Variants in PLXNA3 observed in about 807,000 individuals in gnomAD.
The protein encoded by PLXNA3 is plexin A3.
PLXNA3 carries 52 observed loss-of-function variants against 118.8 expected under a neutral mutation model. That is an observed-to-expected ratio of 0.44 (90% confidence interval 0.35 to 0.55). PLXNA3 has a LOEUF of 0.55. Among genes scored for constraint, PLXNA3 ranks in the 20% least tolerant of loss-of-function variants. The probability of loss-of-function intolerance (pLI) is 0.01; values close to 1 mark genes in which losing one functional copy is unlikely to be tolerated. For synonymous variants in PLXNA3, 925 were observed against 762.4 expected (o/e 1.21, Z -3.51); for missense variants, 1,660 against 1,730.8 (o/e 0.96, Z 0.73).
Position 154,468,167 on chromosome X carries a change from C to A in PLXNA3, c.3906C>A (p.Tyr1302Ter). 1.7e-6 allele frequency: 2 copies of A among 1,189,023 alleles called. No homozygotes were observed. The highest frequency in any genetic ancestry group is 2.3e-6 in the Non-Finnish European group (2 of 883,122). ...TCCCCTTCCTGGACTACCGGACTTA[C>A]GCCGTGCGCGTGCTCTTCCCGGGCA... ...VQIPFLDYRTYAVRVLFPGIE... is the reference protein window; with the variant it reads ...VQIPFLDYRT Residue 1302 changes from tyrosine to a stop codon, truncating the protein, a stop_gained, in exon 22 of 33, where the codon TAC becomes TAA. Transcript: ENST00000369682. LOFTEE classifies it high-confidence loss of function.
Position 154,465,198 on chromosome X carries a change from G to A in PLXNA3, c.2224G>A (p.Val742Met), listed in dbSNP as rs1204868003. The A allele has an allele frequency of 8.3e-7, 1 of 1,207,847 alleles. No homozygotes were observed. Among genetic ancestry groups the A allele is most frequent in the East Asian group, 3.0e-5 (1 of 33,778 alleles). Residue 742 changes from valine (V) to methionine (M), a missense_variant, in exon 11 of 33, where the codon GTG (valine) becomes ATG (methionine). By Grantham distance (21) the Val-to-Met change is conservative (BLOSUM62 1). This residue lies in a region of PLXNA3 where 869 missense variants were observed against 1,078.7 expected (regional missense o/e 0.81). Transcript: ENST00000369682. ...TGCCGTGCGCTTCAACAGCAGCAGT[G>A]TGCAGTGCCAGAACGCCTCGGTGAG... ...VPAVRFNSSS[V>M]QCQNASYSYE...
At chrX:154,462,617 G>C (rs1302888908) in intron 4 of PLXNA3, among the ~76,000 whole-genome samples, 16 of 112,300 alleles carry the variant, frequency 1.4e-4, no homozygotes, top group African/African-American at 2.9e-4. Flanking sequence ...GGCTGAGCCA[G>C]CATTGCTGGG....
chrX:154,466,982 G>C (rs2148252437), intron 17 of PLXNA3, 75 bp from the exon 18 acceptor site: 1 of 996,009 alleles, frequency 1.0e-6, no homozygotes, highest in East Asian at 3.1e-5. Flanking sequence ...GGGCTGCCAT[G>C]GCAGCCTTGA....
chrX:154,469,056 A>T lies in PLXNA3; in HGVS notation c.4435A>T (p.Thr1479Ser). The change falls in exon 26 of 33, where the codon ACC becomes TCC. Residue 1479 changes from threonine to serine, a missense_variant and splice_region_variant. Thr to Ser is a moderately conservative substitution (Grantham distance 58). This residue lies in a region of PLXNA3 where 869 missense variants were observed against 1,078.7 expected (regional missense o/e 0.81). Transcript: ENST00000369682. The stretch of plus-strand genomic sequence containing the variant: ...ACACTGGAGTCCGCTTTCCCCTCAG[A>T]CCCTTCACTGCGTGTGTCCGGAGAA... ...IRQQIDYKTLTLHCVCPENEG... is the reference protein window; with the variant it reads ...IRQQIDYKTLSLHCVCPENEG... The T allele has an allele frequency of 8.3e-7, 1 of 1,210,769 alleles. No individual in the cohort carries two copies. Among genetic ancestry groups the T allele is most frequent in the Admixed American group, 2.2e-5 (1 of 46,037 alleles).
intron 31 of PLXNA3, 78 bp downstream of exon 31, chrX:154,471,395 A>G (rs1162074569): frequency 3.5e-6 from 4 of 1,149,927 alleles, no homozygotes; most frequent in Admixed American, 4.7e-5. Context: ...CAGGCCAGCT[A>G]CAGGCAGGAA....
At position 154,464,208 on chromosome X, in the gene PLXNA3, G is replaced by A. The variant is rs140045266; in HGVS notation, c.1723G>A (p.Ala575Thr). ...VPDLSAGVSCAFEAAAENEAV... is the reference protein window; with the variant it reads ...VPDLSAGVSCTFEAAAENEAV... ...AGACCTCAGTGCGGGCGTGAGCTGC[G>A]CCTTCGAGGCGGCGGCGGAGAACGA... is the stretch of plus-strand genomic sequence containing the variant. The change falls in exon 8 of 33, where the codon GCC becomes ACC. Residue 575 changes from alanine (A) to threonine (T), a missense_variant. By Grantham distance (58) the Ala-to-Thr change is moderately conservative. Around this residue, in one of 2 missense-constraint regions of PLXNA3, gnomAD observed 791 missense variants for 652.1 expected, o/e 1.21. Coordinates refer to ENST00000369682, the MANE Select transcript of PLXNA3 (RefSeq NM_017514.5). 69 of 1,207,693 alleles carry A rather than the reference G, an allele frequency of 5.7e-5. No homozygotes were observed. The highest frequency in any genetic ancestry group is 7.1e-5 in the South Asian group (4 of 56,531).
At chrX:154,460,860 C>A (rs976709881) in intron 2 of PLXNA3, 83 bp downstream of exon 2, 5 of 758,007 alleles carry the variant, frequency 6.6e-6, no homozygotes, top group Non-Finnish European at 7.5e-6. Context: ...TGAGAGGGGA[C>A]TTTCGGCTCC....
At position 154,460,731 on chromosome X, in the gene PLXNA3, C is replaced by G. The variant is rs2068935803; in HGVS notation, c.548C>G (p.Ser183Cys). ...TCGGAGTACTTCCCCACCTTGAGCT[C>G]CCGCAAGCTCATCAGTGATGAAGAC... ...GKSEYFPTLS[S>C]RKLISDEDSA... Residue 183 changes from serine to cysteine, a missense_variant, in exon 2 of 33, where the codon TCC (serine) becomes TGC (cysteine). By Grantham distance (112) the Ser-to-Cys change is moderately radical. Coordinates refer to ENST00000369682, the MANE Select transcript of PLXNA3 (RefSeq NM_017514.5). The G allele has an allele frequency of 4.4e-6, 5 of 1,134,376 alleles. No homozygotes were observed. In the East Asian group the frequency reaches 1.5e-4, roughly 34 times the overall value. 93.5% of individuals were successfully genotyped at this position (1,134,376 alleles called of 1,213,427 possible).
intron 1 of PLXNA3, among the ~76,000 whole-genome samples, chrX:154,458,970 C>T (rs2068888625): frequency 9.1e-6 from 1 of 110,443 alleles, no homozygotes; most frequent in African/African-American, 3.3e-5. Context: ...TGTGGCCTCT[C>T]TTTTCTTTGG....
In PLXNA3 at chrX:154,461,555, C is replaced by T. The variant is rs782245651; in HGVS notation, c.1051C>T (p.Arg351Cys). The change falls in exon 3 of 33, where the codon CGC (arginine) becomes TGC (cysteine). Residue 351 changes from arginine to cysteine, a missense_variant. Coordinates refer to ENST00000369682, the MANE Select transcript of PLXNA3 (RefSeq NM_017514.5). ...TLSNINAHIR[R>C]RIQSCYRGEG... ...CAGCAACATCAATGCCCACATCCGG[C>T]GCCGCATCCAGTCCTGCTATCGTGG... 13 of 1,208,390 alleles carry T rather than the reference C, an allele frequency of 1.1e-5. No homozygotes were observed. The highest frequency in any genetic ancestry group is 8.9e-5 in the East Asian group (3 of 33,806).
chrX:154,464,104 G>A, intron 7 of PLXNA3, 30 bp downstream of exon 7: 1 of 1,209,904 alleles, frequency 8.3e-7, no homozygotes. Context: ...CCGGCTGGGT[G>A]TGCACATGTG....
chrX:154,462,375 G>GTGC (rs1212964700), intron 4 of PLXNA3, 65 bp downstream of exon 4: 1 of 877,682 alleles, frequency 1.1e-6, no homozygotes, highest in Non-Finnish European at 1.5e-6. Flanking sequence ...AAGGCTGGTG[G>GTGC]GAACACACGG....
intron 17 of PLXNA3, 40 bp from the exon 18 acceptor site, chrX:154,467,017 C>T: frequency 9.0e-7 from 1 of 1,112,138 alleles, no homozygotes; most frequent in Non-Finnish European, 1.2e-6. Flanking sequence ...TGGGTGGGTG[C>T]ACTGGAGGAG....
chrX:154,466,934 C>T, intron 17 of PLXNA3, 123 bp from the exon 18 acceptor site: 1 of 848,601 alleles, frequency 1.2e-6, no homozygotes, highest in Non-Finnish European at 1.7e-6. Flanking sequence ...TGCACAGTAC[C>T]CGGCACCCAC....
At position 154,462,289 on chromosome X, in the gene PLXNA3, G is replaced by A. The variant is rs146539077; in HGVS notation, c.1296G>A (p.Thr432=). ...AGCACTCTGTGGTCTTCATTGGCACGCGCAGCGGCAGCTTGAAGAAGGTGG... is the reference window on the plus strand; with the variant it reads ...AGCACTCTGTGGTCTTCATTGGCACACGCAGCGGCAGCTTGAAGAAGGTGG... ...YRQHSVVFIG[T]RSGSLKKVRV... is the part of the protein sequence containing the mutation. The change falls in exon 4 of 33, where the codon ACG becomes ACA. Residue 432 remains threonine (T), a synonymous_variant. Transcript: ENST00000369682. 1.4e-3 allele frequency: 1,575 copies of A among 1,158,827 alleles called. 1 individual carries two copies. Among genetic ancestry groups the A allele is most frequent in the Non-Finnish European group, 1.7e-3 (1,504 of 868,565 alleles).
Position 154,467,975 on chromosome X carries a change from C to G in PLXNA3, c.3794C>G (p.Ser1265Cys), listed in dbSNP as rs781937905. ...RLQLQMDNLE[S>C]RVALECKEAF... ...CAGCTGCAGATGGACAACCTGGAGT[C>G]CCGTGTGGCCCTGGAGTGCAAGGAA... The change falls in exon 21 of 33, where the codon TCC becomes TGC. Residue 1265 changes from serine (S) to cysteine (C), a missense_variant. This residue lies in a region of PLXNA3 where 869 missense variants were observed against 1,078.7 expected (regional missense o/e 0.81). Transcript: ENST00000369682. 8.3e-7 allele frequency: 1 copy of G among 1,208,320 alleles called. No individual in the cohort carries two copies. Among genetic ancestry groups the G allele is most frequent in the African/African-American group, 1.8e-5 (1 of 57,081 alleles).
At chrX:154,464,980 G>A in intron 10 of PLXNA3, 38 bp from the exon 11 acceptor site, 1 of 1,124,277 alleles carries the variant, frequency 8.9e-7, no homozygotes, top group Non-Finnish European at 1.2e-6. Context: ...CTGGAGAAGG[G>A]TGGCCCTGTG....
chrX:154,471,378 T>A, intron 31 of PLXNA3, 61 bp downstream of exon 31: 1 of 1,156,321 alleles, frequency 8.6e-7, no homozygotes. Context: ...GGGCTGCCTG[T>A]GCGAGGCAGG....
rs1557209352 is a variant in PLXNA3 at position 154,471,186 on chromosome X, C to T, written c.5238C>T (p.Ala1746=). Residue 1746 remains alanine, a synonymous_variant, in exon 31 of 33, where the codon GCC becomes GCT. Transcript: ENST00000369682. ...FDIHKNSITD[A]CLSVVAQTFM... is the part of the protein sequence containing the mutation. ...TCCACAAGAACAGCATCACGGATGC[C>T]TGCCTGTCGGTGGTAGCCCAGACCT... is the stretch of plus-strand genomic sequence containing the variant. 4 of 1,210,946 alleles carry T rather than the reference C, an allele frequency of 3.3e-6. No individual in the cohort carries two copies. Among genetic ancestry groups the T allele is most frequent in the Non-Finnish European group, 4.5e-6 (4 of 894,610 alleles).
Sources: gnomAD v4.1 joint callset for allele counts (sites outside exome capture counted in the v4.1 genomes callset) on GRCh38, gnomAD v4.1.1 for gene constraint, gnomAD v4.1.1 regional missense constraint, MANE v1.5 for transcripts, NCBI Gene and HGNC (gene_info 2026-07-23, HGNC 2026-07-21) for gene names.